SLC4A7: variants seen among roughly 807,000 people sequenced by gnomAD.
SLC4A7 encodes sodium bicarbonate cotransporter 3.
In SLC4A7, 51 loss-of-function variants were observed where a neutral mutation model predicts 137.6. That is an observed-to-expected ratio of 0.37 (90% confidence interval 0.30 to 0.47). SLC4A7 has a LOEUF of 0.47. Ranked by LOEUF, SLC4A7 falls within the 20% of genes least tolerant of loss-of-function variation. The pLI, the probability that SLC4A7 is intolerant of heterozygous loss-of-function variation, is 1.00. For missense variants in SLC4A7, 1,247 were observed against 1,525.4 expected (o/e 0.82, Z 3.04); for synonymous variants, 542 against 518.6 (o/e 1.05, Z -0.61).
rs1221694036 is a variant in SLC4A7 at position 27,395,072 on chromosome 3, T to A, written c.2747A>T (p.Asp916Val). 1.2e-5 allele frequency: 19 copies of A among 1,610,604 alleles called. No individual in the cohort carries two copies. Among genetic ancestry groups the A allele is most frequent in the Non-Finnish European group, 1.5e-5 (18 of 1,178,942 alleles). ...ERGWIISPLGDNPWWTLLIAA... is the reference protein window; with the variant it reads ...ERGWIISPLGVNPWWTLLIAA... ...TATTAATAAGGTCCACCAAGGATTA[T>A]CTCCCAGTGGGCTTATGATCCACCC... Residue 916 changes from aspartate (D) to valine (V), a missense_variant, in exon 19 of 26, where the codon GAT (aspartate) becomes GTT (valine). This residue lies in a region of SLC4A7 where 48 missense variants were observed against 97.2 expected (regional missense o/e 0.49). Transcript: ENST00000454389.
At chr3:27,456,582 A>G in intron 1 of SLC4A7, 1 of 1,067,836 alleles carries the variant, frequency 9.4e-7, no homozygotes, top group Admixed American at 1.7e-5. Context: ...CATTTCTTCA[A>G]GCTTCACTAT....
At position 27,465,496 on chromosome 3, in the gene SLC4A7, T is replaced by C. The variant is rs565188839; in HGVS notation, c.61-12998A>G. Among the ~76,000 whole-genome samples, 268 of 125,594 alleles carry C rather than the reference T, an allele frequency of 2.1e-3. 3 individuals are homozygous for C. Among genetic ancestry groups the C allele is most frequent in the African/African-American group, 7.2e-3 (249 of 34,382 alleles). The allele number at this position is 125,594 out of a possible 152,430, so 82.4% of individuals were successfully genotyped here. On this transcript the variant is annotated intron_variant, in intron 1 of 25. Coordinates refer to ENST00000454389, the MANE Select transcript of SLC4A7 (RefSeq NM_001321103.2). ...CAGTAAAAAAAAAAAAAAAAAAAAG[T>C]ACTAACATTTTTACTGCTTTACAAT...
chr3:27,391,832 A>C (rs1262400625), intron 20 of SLC4A7, 24 bp from the exon 21 acceptor site: 5 of 1,361,512 alleles, frequency 3.7e-6, no homozygotes, highest in Admixed American at 1.9e-5. Context: ...GAACACAATT[A>C]GAACTCATGA....
At chr3:27,407,532 A>G (rs2053504800) in intron 13 of SLC4A7, among the ~76,000 whole-genome samples, 1 of 151,292 alleles carries the variant, frequency 6.6e-6, no homozygotes, top group Admixed American at 6.6e-5. Flanking sequence ...TCATTCTCAC[A>G]TTCAGAAGTT....
At chr3:27,447,506 G>A (rs772041649) in intron 3 of SLC4A7, among the ~76,000 whole-genome samples, 2 of 152,014 alleles carry the variant, frequency 1.3e-5, no homozygotes, top group African/African-American at 2.4e-5. Context: ...ATAGGATGTG[G>A]CTCACATAGC....
intron 13 of SLC4A7, among the ~76,000 whole-genome samples, chr3:27,407,277 C>T (rs73149800): frequency 0.025 from 3,789 of 151,806 alleles, 180 homozygotes; most frequent in African/African-American, 0.088. Context: ...GTCACATTAT[C>T]GAGACCAGCC....
rs2051937242 is a variant in SLC4A7, at chr3:27,394,508, G to C, written c.3117+10C>G. 1.2e-6 allele frequency: 2 copies of C among 1,606,982 alleles called. No individual in the cohort carries two copies. The highest frequency in any genetic ancestry group is 1.3e-5 in the African/African-American group (1 of 74,400). On this transcript the variant is annotated intron_variant, in intron 20 of 25. Coordinates refer to ENST00000454389, the MANE Select transcript of SLC4A7 (RefSeq NM_001321103.2). ...TAAGATTGTAAAACACGGCAATAAA[G>C]AAATTTTACCTTTAGGACTGAAGTC...
chr3:27,456,465 C>T (rs550155764), intron 1 of SLC4A7, among the ~76,000 whole-genome samples: 4 of 152,246 alleles, frequency 2.6e-5, no homozygotes, highest in East Asian at 1.9e-4. Flanking sequence ...AATAAAGATG[C>T]TACAATTATT....
rs1178629983 is a variant in SLC4A7, at chr3:27,420,724, T to C, written c.1488A>G (p.Ser496=). 1 of 1,613,238 alleles carries C rather than the reference T, an allele frequency of 6.2e-7. No individual in the cohort carries two copies. The highest frequency in any genetic ancestry group is 1.7e-5 in the Admixed American group (1 of 59,988). ...CCTCATCTGTCATGAGAGTGGCTATTGATCGTCCAATTTCATGGTACTGTG... is the reference window on the plus strand; with the variant it reads ...CCTCATCTGTCATGAGAGTGGCTATCGATCGTCCAATTTCATGGTACTGTG... The part of the protein sequence containing the change: ...KAPQYHEIGR[S]IATLMTDEIF... The change falls in exon 10 of 26, where the codon TCA becomes TCG. Residue 496 remains serine (S), a synonymous_variant. Coordinates refer to ENST00000454389, the MANE Select transcript of SLC4A7 (RefSeq NM_001321103.2).
At chr3:27,437,243 C>G in intron 4 of SLC4A7, 145 bp downstream of exon 4, 1 of 423,302 alleles carries the variant, frequency 2.4e-6, no homozygotes, top group East Asian at 3.9e-5. Context: ...GTCAGCTACT[C>G]GGGAGGCTGA....
intron 12 of SLC4A7, among the ~76,000 whole-genome samples, chr3:27,410,161 AT>A (rs1444541836): frequency 6.6e-6 from 1 of 152,230 alleles, no homozygotes; most frequent in African/African-American, 2.4e-5. Context: ...CAATTAGTAG[AT>A]TAAAAATCTG....
At chr3:27,433,793 G>A in intron 6 of SLC4A7, 123 bp downstream of exon 6, 1 of 747,604 alleles carries the variant, frequency 1.3e-6, no homozygotes, top group East Asian at 2.7e-5. Flanking sequence ...AAAGCAGGAA[G>A]GAGAAGTAAT....
intron 8 of SLC4A7, 47 bp from the exon 9 acceptor site, chr3:27,421,826 A>G (rs1156478421): frequency 5.5e-6 from 8 of 1,445,240 alleles, no homozygotes; most frequent in African/African-American, 1.4e-5. Flanking sequence ...TGGTATTTGT[A>G]AGACTAGAGA....
chr3:27,478,463 AC>A (rs1406219414), intron 1 of SLC4A7, among the ~76,000 whole-genome samples: 2 of 144,742 alleles, frequency 1.4e-5, no homozygotes, highest in Non-Finnish European at 3.0e-5. Context: ...GGTTGCCGTG[AC>A]CCAAGATCGT....
intron 23 of SLC4A7, among the ~76,000 whole-genome samples, chr3:27,385,324 T>C (rs1311778733): frequency 6.6e-6 from 1 of 152,222 alleles, no homozygotes; most frequent in Non-Finnish European, 1.5e-5. Context: ...TAAAGTTATT[T>C]ATGCTTAAAT....
intron 7 of SLC4A7, among the ~76,000 whole-genome samples, chr3:27,425,475 G>A (rs573616727): frequency 6.7e-5 from 10 of 148,470 alleles, no homozygotes; most frequent in South Asian, 6.5e-4. Flanking sequence ...CTGGGAGTTC[G>A]AGACCAGCCT....
At chr3:27,447,680 A>C (rs1463098984) in intron 3 of SLC4A7, among the ~76,000 whole-genome samples, 9 of 99,652 alleles carry the variant, frequency 9.0e-5, no homozygotes, top group Admixed American at 1.5e-4. Context: ...TTCCTTTCCC[A>C]CTCTCAGGGC....
At position 27,450,071 on chromosome 3, in the gene SLC4A7, C is replaced by G. The variant is rs115391684; in HGVS notation, c.143-1274G>C. On this transcript the variant is annotated intron_variant, in intron 2 of 25. Transcript: ENST00000454389. ...AGCATAAAATTTGAGTTGCCTGACA[C>G]TCATGTTCCCAGGTAAGGCTTAAAA... Among the ~76,000 whole-genome samples, 710 of 152,262 alleles carry G rather than the reference C, an allele frequency of 4.7e-3. 12 individuals carry two copies. Among genetic ancestry groups the G allele is most frequent in the African/African-American group, 0.016 (679 of 41,550 alleles).
intron 1 of SLC4A7, among the ~76,000 whole-genome samples, chr3:27,475,673 C>T (rs985545987): frequency 9.2e-5 from 14 of 152,236 alleles, no homozygotes; most frequent in Middle Eastern, 3.4e-3. Context: ...TCCCCAGATA[C>T]AAACAGGCTT....
Sources: allele counts gnomAD v4.1 joint callset (sites outside exome capture counted in the v4.1 genomes callset), GRCh38; gene constraint gnomAD v4.1.1; regional missense constraint gnomAD v4.1.1; transcripts MANE v1.5; gene names NCBI Gene and HGNC (gene_info 2026-07-23, HGNC 2026-07-21).